Variants in NXPH2 observed in about 807,000 individuals in gnomAD.
NXPH2 encodes neurexophilin 2.
NXPH2 carries 5 observed loss-of-function variants against 19.8 expected under a neutral mutation model. The observed-to-expected ratio is 0.25, with a 90% CI of 0.13 to 0.53. NXPH2 has a LOEUF of 0.53. Ranked by LOEUF, NXPH2 falls within the 20% of genes least tolerant of loss-of-function variation. The pLI is 0.96. For synonymous variants in NXPH2, 154 were observed against 127.4 expected, an observed-to-expected ratio of 1.21 and a Z score of -1.41; for missense variants, 289 against 322.8, an observed-to-expected ratio of 0.90 and a Z score of 0.80.
chr2:138,724,505 C>A lies in NXPH2; in HGVS notation c.52-52840G>T, dbSNP rs115368927. ...ACAAACAATGCAAATAGCCTAATCCCTTTGTGGGGCAGAGCTCAACAGGTC... is the reference window on the plus strand; with the variant it reads ...ACAAACAATGCAAATAGCCTAATCCATTTGTGGGGCAGAGCTCAACAGGTC... On this transcript the variant is annotated intron_variant, in intron 1 of 1. Transcript: ENST00000272641. Among the ~76,000 whole-genome samples the A allele has an allele frequency of 3.9e-3, 591 of 152,298 alleles. 4 individuals carry two copies. The highest frequency in any genetic ancestry group is 4.6e-3 in the Non-Finnish European group (312 of 68,026).
intron 1 of NXPH2, among the ~76,000 whole-genome samples, chr2:138,724,055 T>C (rs1681319836): frequency 6.6e-6 from 1 of 151,972 alleles, no homozygotes; most frequent in South Asian, 2.1e-4. Flanking sequence ...AAGCCTAGCA[T>C]CCATTAGTTA....
At chr2:138,710,197 G>C (rs746337056) in intron 1 of NXPH2, among the ~76,000 whole-genome samples, 3 of 152,102 alleles carry the variant, frequency 2.0e-5, no homozygotes, top group Non-Finnish European at 2.9e-5. Flanking sequence ...GTATCACTTA[G>C]CATAATGTTT....
At chr2:138,771,406 G>C (rs924126145) in intron 1 of NXPH2, among the ~76,000 whole-genome samples, 1 of 151,908 alleles carries the variant, frequency 6.6e-6, no homozygotes, top group African/African-American at 2.4e-5. Context: ...AATGCCCTGA[G>C]TATAAGGTAT....
intron 1 of NXPH2, among the ~76,000 whole-genome samples, chr2:138,697,871 CA>C (rs1164681388): frequency 6.6e-6 from 1 of 151,930 alleles, no homozygotes; most frequent in African/African-American, 2.4e-5. Flanking sequence ...TTGTGATTAA[CA>C]AATTAGCAAA....
chr2:138,722,274 C>T (rs752236620), intron 1 of NXPH2, among the ~76,000 whole-genome samples: 20 of 152,224 alleles, frequency 1.3e-4, no homozygotes, highest in Non-Finnish European at 2.4e-4. Flanking sequence ...TAAACACACA[C>T]TTGCAGAAAG....
chr2:138,759,830 C>A (rs569038116), intron 1 of NXPH2, among the ~76,000 whole-genome samples: 19 of 150,838 alleles, frequency 1.3e-4, no homozygotes, highest in African/African-American at 4.4e-4. Flanking sequence ...CCCAGGTTCA[C>A]GCCATTCTCC....
At chr2:138,701,717 G>C (rs577764036) in intron 1 of NXPH2, among the ~76,000 whole-genome samples, 1 of 152,154 alleles carries the variant, frequency 6.6e-6, no homozygotes. Context: ...TCAGGGAGAT[G>C]CAGAAATGAA....
chr2:138,714,154 ATAAAT>A (rs1209667140), intron 1 of NXPH2, among the ~76,000 whole-genome samples: 6 of 152,138 alleles, frequency 3.9e-5, no homozygotes, highest in African/African-American at 1.4e-4. Context: ...TCATACTAGA[ATAAAT>A]TAAATTTATT....
At chr2:138,731,021 T>G (rs1449956267) in intron 1 of NXPH2, among the ~76,000 whole-genome samples, 1 of 152,212 alleles carries the variant, frequency 6.6e-6, no homozygotes. Context: ...CTCCTCTGAC[T>G]GCCAATGTAA....
In NXPH2 at chr2:138,780,290, C is replaced by T. The variant is rs1407437292; in HGVS notation, c.-49G>A. The T allele has an allele frequency of 8.0e-6, 11 of 1,382,936 alleles. No homozygotes were observed. The highest frequency in any genetic ancestry group is 1.0e-5 in the Non-Finnish European group (11 of 1,071,874). 85.7% of individuals were successfully genotyped at this position (1,382,936 alleles called of 1,614,324 possible). On this transcript the variant is annotated 5_prime_UTR_variant, in exon 1 of 2. Coordinates refer to ENST00000272641, the MANE Select transcript of NXPH2 (RefSeq NM_007226.3). ...ACGAGCTGCGCGCCCTCGCCTGCCT[C>T]TCGCGCATCTCCACTTCGCGGGGCA...
chr2:138,773,180 C>T (rs570344166), intron 1 of NXPH2, among the ~76,000 whole-genome samples: 13 of 152,298 alleles, frequency 8.5e-5, no homozygotes, highest in South Asian at 2.1e-4. Flanking sequence ...ATGGAGACAC[C>T]GGCTTGGAGC....
intron 1 of NXPH2, among the ~76,000 whole-genome samples, chr2:138,673,906 G>A (rs1393948986): frequency 6.6e-6 from 1 of 152,010 alleles, no homozygotes; most frequent in Non-Finnish European, 1.5e-5. Flanking sequence ...ATGAGATCAA[G>A]TTTTTTAGCT....
intron 1 of NXPH2, among the ~76,000 whole-genome samples, chr2:138,764,111 C>T (rs1682057257): frequency 6.6e-6 from 1 of 152,048 alleles, no homozygotes; most frequent in Non-Finnish European, 1.5e-5. Flanking sequence ...TAGTGTGCAC[C>T]AGACCACAGA....
chr2:138,694,252 C>T (rs1680793853), intron 1 of NXPH2, among the ~76,000 whole-genome samples: 1 of 152,186 alleles, frequency 6.6e-6, no homozygotes, highest in East Asian at 1.9e-4. Flanking sequence ...GTTGTTTACA[C>T]AAATTAACTC....
chr2:138,758,858 A>G (rs2104837751), intron 1 of NXPH2, among the ~76,000 whole-genome samples: 1 of 152,270 alleles, frequency 6.6e-6, no homozygotes, highest in South Asian at 2.1e-4. Flanking sequence ...GAAAAATGAG[A>G]GACAGCTGGT....
intron 1 of NXPH2, among the ~76,000 whole-genome samples, chr2:138,689,838 G>A (rs1397049069): frequency 6.6e-6 from 1 of 152,154 alleles, no homozygotes; most frequent in African/African-American, 2.4e-5. Flanking sequence ...TGATTAAACA[G>A]TTCACTTTGA....
intron 1 of NXPH2, among the ~76,000 whole-genome samples, chr2:138,715,983 T>C (rs1487179762): frequency 6.6e-6 from 1 of 152,178 alleles, no homozygotes; most frequent in Non-Finnish European, 1.5e-5. Context: ...TTCTTACATA[T>C]ATTGGCAATT....
At chr2:138,692,259 T>C (rs1360336705) in intron 1 of NXPH2, among the ~76,000 whole-genome samples, 1 of 152,202 alleles carries the variant, frequency 6.6e-6, no homozygotes, top group Non-Finnish European at 1.5e-5. Flanking sequence ...CCCTGATTTT[T>C]CCTGAACACT....
At chr2:138,712,413 TTTCTGGACTTCGGAG>T (rs1269487128) in intron 1 of NXPH2, among the ~76,000 whole-genome samples, 2 of 152,192 alleles carry the variant, frequency 1.3e-5, no homozygotes, top group Non-Finnish European at 2.9e-5. Flanking sequence ...TCATTTCCTG[TTTCTGGACTTCGGAG>T]TTCTGTCCTC....
Sources: gnomAD v4.1 joint callset for allele counts (sites outside exome capture counted in the v4.1 genomes callset) on GRCh38, gnomAD v4.1.1 for gene constraint, MANE v1.5 for transcripts, NCBI Gene and HGNC (gene_info 2026-07-23, HGNC 2026-07-21) for gene names.